CPED1: variants seen among roughly 807,000 people sequenced by gnomAD.
CPED1 encodes cadherin like and PC-esterase domain containing 1, also known as cadherin-like and PC-esterase domain-containing protein 1.
CPED1 carries 114 observed loss-of-function variants against 128.2 expected under a neutral mutation model. The ratio of observed to expected loss-of-function variants is 0.89; its 90% confidence interval spans 0.76 to 1.04. The LOEUF (loss-of-function observed/expected upper bound fraction) is 1.04. Among genes scored for constraint, CPED1 ranks in the 50% least tolerant of loss-of-function variants. The pLI is 0.00. For missense variants in CPED1, 1,211 were observed against 1,207.1 expected (o/e 1.00, Z -0.05); for synonymous variants, 462 against 426.7 (o/e 1.08, Z -1.02).
At chr7:121,177,316 G>C (rs1796804578) in intron 16 of CPED1, among the ~76,000 whole-genome samples, 1 of 151,902 alleles carries the variant, frequency 6.6e-6, no homozygotes, top group Non-Finnish European at 1.5e-5. Context: ...CGTGTGTGCA[G>C]TTGTCGAGCT....
intron 16 of CPED1, among the ~76,000 whole-genome samples, chr7:121,223,852 CTTTTT>C (rs1379756123): frequency 6.6e-6 from 1 of 150,666 alleles, no homozygotes; most frequent in African/African-American, 2.4e-5. Flanking sequence ...TCTCTCTTTT[CTTTTT>C]TATTAGTCTT....
In CPED1 at chr7:121,246,551, T is replaced by C. The variant is rs573687523; in HGVS notation, c.2310+2213T>C. 2.8e-3 allele frequency among the ~76,000 whole-genome samples: 420 copies of C among 152,324 alleles called. 2 individuals are homozygous for C. The highest frequency in any genetic ancestry group is 0.017 in the Middle Eastern group (5 of 294). ...AAAGAGTTTTAGTCCCTGACTCTTATAAGGAAACTAATCCCATCATGAAGC... is the reference window on the plus strand; with the variant it reads ...AAAGAGTTTTAGTCCCTGACTCTTACAAGGAAACTAATCCCATCATGAAGC... On this transcript the variant is annotated intron_variant, in intron 18 of 22. Coordinates refer to ENST00000310396, the MANE Select transcript of CPED1 (RefSeq NM_024913.5).
At chr7:121,015,563 T>G in intron 2 of CPED1, 102 bp from the exon 3 acceptor site, 1 of 1,099,346 alleles carries the variant, frequency 9.1e-7, no homozygotes, top group Non-Finnish European at 1.3e-6. Context: ...AGAGAAAAAC[T>G]TTAGAATAAC....
intron 18 of CPED1, among the ~76,000 whole-genome samples, chr7:121,259,392 T>C (rs551791473): frequency 6.6e-6 from 1 of 152,178 alleles, no homozygotes; most frequent in South Asian, 2.1e-4. Flanking sequence ...TAGGTGAATA[T>C]AGGACACTTT....
chr7:121,129,321 A>ATATATATATACG (rs1795602927), intron 11 of CPED1, among the ~76,000 whole-genome samples: 1 of 132,260 alleles, frequency 7.6e-6, no homozygotes, highest in African/African-American at 2.8e-5. Context: ...ACGTATATAT[A>ATATATATATACG]TATATATATA....
At chr7:121,273,811 C>T (rs898921179) in intron 22 of CPED1, among the ~76,000 whole-genome samples, 1 of 152,042 alleles carries the variant, frequency 6.6e-6, no homozygotes, top group Admixed American at 6.6e-5. Context: ...AAATATACAA[C>T]GTTTAGAGTA....
chr7:121,200,292 A>C (rs2116561080), intron 16 of CPED1, among the ~76,000 whole-genome samples: 1 of 152,268 alleles, frequency 6.6e-6, no homozygotes, highest in South Asian at 2.1e-4. Context: ...TTCTGGGTTA[A>C]AGAAATTTTC....
At chr7:121,044,261 C>T (rs1416033426) in intron 3 of CPED1, among the ~76,000 whole-genome samples, 2 of 151,888 alleles carry the variant, frequency 1.3e-5, no homozygotes, top group Non-Finnish European at 2.9e-5. Flanking sequence ...GAAATGAAGA[C>T]AAAGTGAAAA....
intron 16 of CPED1, among the ~76,000 whole-genome samples, chr7:121,198,270 T>C (rs1297286890): frequency 6.6e-6 from 1 of 152,192 alleles, no homozygotes; most frequent in Non-Finnish European, 1.5e-5. Context: ...GAAGGCTTTT[T>C]TATTCAAATA....
At chr7:120,995,874 C>CT (rs894492975) in intron 2 of CPED1, among the ~76,000 whole-genome samples, 1 of 90,162 alleles carries the variant, frequency 1.1e-5, no homozygotes, top group African/African-American at 4.9e-5. Flanking sequence ...TCTTCTTCCT[C>CT]TTCTTCTTCT....
rs533766503 is a variant in CPED1, at chr7:121,269,179, A to C, written c.2721+1877A>C. The stretch of plus-strand genomic sequence containing the variant: ...CCTCTCCCTTCCTCCCGCTTCTTGT[A>C]GACCCCAGTGTCCATTGTTTCTATC... On this transcript the variant is annotated intron_variant, in intron 21 of 22. Transcript: ENST00000310396. Among the ~76,000 whole-genome samples the C allele has an allele frequency of 1.2e-4, 19 of 152,154 alleles. No individual in the cohort carries two copies. The South Asian group carries it at 3.5e-3, about 28-fold the overall frequency.
chr7:121,082,472 GT>G (rs1794317638), intron 5 of CPED1, among the ~76,000 whole-genome samples: 1 of 152,004 alleles, frequency 6.6e-6, no homozygotes, highest in African/African-American at 2.4e-5. Flanking sequence ...CATAATACTT[GT>G]TTTTGGTTTG....
intron 4 of CPED1, among the ~76,000 whole-genome samples, chr7:121,053,260 AC>A (rs1187068696): frequency 2.6e-5 from 4 of 151,732 alleles, no homozygotes; most frequent in Non-Finnish European, 2.9e-5. Context: ...CCTATCTACT[AC>A]CCTTCATTGC....
chr7:121,128,548 G>A (rs955280658), intron 11 of CPED1, 62 bp downstream of exon 11: 6 of 847,018 alleles, frequency 7.1e-6, no homozygotes, highest in East Asian at 2.4e-5. Context: ...ATCACTGTAA[G>A]CTACCTGATT....
chr7:121,140,348 C>A (rs1167631262), intron 14 of CPED1, among the ~76,000 whole-genome samples: 1 of 151,880 alleles, frequency 6.6e-6, no homozygotes, highest in Non-Finnish European at 1.5e-5. Context: ...AGTCTTTGCC[C>A]CACACTGCCT....
intron 7 of CPED1, among the ~76,000 whole-genome samples, chr7:121,103,671 T>TTGTGTG (rs142776626): frequency 6.6e-6 from 1 of 151,286 alleles, no homozygotes; most frequent in African/African-American, 2.4e-5. Context: ...AAACATAATT[T>TTGTGTG]TGTGTGTGTG....
Position 121,046,909 on chromosome 7 carries a change from G to T in CPED1, c.456G>T (p.Leu152=), listed in dbSNP as rs778521904. The T allele has an allele frequency of 4.3e-6, 7 of 1,611,406 alleles. No homozygotes were observed. In the African/African-American group the frequency reaches 9.4e-5, roughly 22 times the overall value. The change falls in exon 4 of 23, where the codon CTG becomes CTT. Residue 152 remains leucine (L), a synonymous_variant. Transcript: ENST00000310396. ...TAGGTGATCTGGGCTCTTGGGATCT[G>T]CTCATTTGCCTGTCTTCTAAGAAAG... ...LEQGDLGSWD[L]LICLSSKKAE...
At chr7:121,162,590 G>GT (rs753639746) in intron 16 of CPED1, among the ~76,000 whole-genome samples, 61 of 152,260 alleles carry the variant, frequency 4.0e-4, no homozygotes, top group Non-Finnish European at 7.8e-4. Flanking sequence ...ACTTTGATTT[G>GT]TTTTTTAAAA....
intron 3 of CPED1, among the ~76,000 whole-genome samples, chr7:121,037,648 G>A (rs1792929919): frequency 6.6e-6 from 1 of 151,976 alleles, no homozygotes; most frequent in Non-Finnish European, 1.5e-5. Context: ...TGAACGTTAG[G>A]ATTATTTTTT....
Sources: allele counts gnomAD v4.1 joint callset (sites outside exome capture counted in the v4.1 genomes callset), GRCh38; gene constraint gnomAD v4.1.1; transcripts MANE v1.5; gene names NCBI Gene and HGNC (gene_info 2026-07-23, HGNC 2026-07-21).